Variants in JARID2 observed in about 807,000 individuals in gnomAD.
JARID2 encodes the protein protein Jumonji.
Under a neutral mutation model 125.6 loss-of-function variants are expected in JARID2, and 21 were observed. The ratio of observed to expected loss-of-function variants is 0.17; its 90% CI spans 0.12 to 0.24. The LOEUF (loss-of-function observed/expected upper bound fraction) is 0.24. Ranked by LOEUF, JARID2 falls within the 10% of genes least tolerant of loss-of-function variation. The probability of loss-of-function intolerance (pLI) is 1.00; values close to 1 mark genes in which losing one functional copy is unlikely to be tolerated. For synonymous variants in JARID2, 736 were observed against 661.6 expected, an observed-to-expected ratio of 1.11 and a Z score of -1.73; for missense variants, 1,303 against 1,639.6, an observed-to-expected ratio of 0.79 and a Z score of 3.55.
At chr6:15,304,303 TCCCCCCCCCCCCCCC>T (rs1761737705) in intron 1 of JARID2, among the ~76,000 whole-genome samples, 1 of 26,716 alleles carries the variant, frequency 3.7e-5, no homozygotes, top group Non-Finnish European at 7.3e-5. Flanking sequence ...AATTTGCTGA[TCCCCCCCCCCCCCCC>T]GCCCACCCAC....
chr6:15,332,399 A>C (rs1361894692), intron 1 of JARID2, among the ~76,000 whole-genome samples: 1 of 152,200 alleles, frequency 6.6e-6, no homozygotes, highest in East Asian at 1.9e-4. Flanking sequence ...GTTAACACCA[A>C]ATCTTAATTT....
chr6:15,514,249 C>T (rs539602379), intron 16 of JARID2, among the ~76,000 whole-genome samples: 32 of 152,350 alleles, frequency 2.1e-4, no homozygotes, highest in South Asian at 6.2e-4. Flanking sequence ...TGGGTAGGGA[C>T]GCCCAGCTGG....
chr6:15,406,398 C>T (rs944057405), intron 2 of JARID2, among the ~76,000 whole-genome samples: 9 of 152,212 alleles, frequency 5.9e-5, no homozygotes, highest in South Asian at 2.1e-4. Context: ...TGTGCCACTG[C>T]GCTCCAGCCT....
intron 1 of JARID2, among the ~76,000 whole-genome samples, chr6:15,351,210 G>A (rs979733159): frequency 2.0e-5 from 3 of 152,154 alleles, no homozygotes; most frequent in African/African-American, 7.2e-5. Context: ...GGTGAGCCAA[G>A]CATTTCTGAG....
At chr6:15,252,044 C>A (rs1248898654) in intron 1 of JARID2, among the ~76,000 whole-genome samples, 11 of 150,262 alleles carry the variant, frequency 7.3e-5, no homozygotes, top group African/African-American at 2.0e-4. Context: ...AGACTCCATT[C>A]AAAAAAAAAT....
chr6:15,368,742 A>G (rs748219779), intron 1 of JARID2: 1 of 488,862 alleles, frequency 2.0e-6, no homozygotes, highest in South Asian at 1.5e-5. Flanking sequence ...GTATATTTAT[A>G]TAGACATCTG....
At chr6:15,504,857 G>T (rs569196965) in intron 9 of JARID2, among the ~76,000 whole-genome samples, 1 of 152,174 alleles carries the variant, frequency 6.6e-6, no homozygotes, top group Admixed American at 6.5e-5. Flanking sequence ...CACGTCCCCT[G>T]CTCCCCGTCA....
chr6:15,366,901 CTA>C (rs1434181439), intron 1 of JARID2, among the ~76,000 whole-genome samples: 2 of 151,882 alleles, frequency 1.3e-5, no homozygotes, highest in Non-Finnish European at 2.9e-5. Context: ...CCTGCTATGT[CTA>C]TGTTATATTT....
chr6:15,316,127 G>T (rs933767676), intron 1 of JARID2, among the ~76,000 whole-genome samples: 7 of 151,776 alleles, frequency 4.6e-5, no homozygotes, highest in Non-Finnish European at 8.8e-5. Context: ...GATTCTATGG[G>T]TTTTTTTTGA....
chr6:15,520,363 T>A lies in JARID2; in HGVS notation c.*112T>A. 2.5e-6 allele frequency: 2 copies of A among 806,788 alleles called. No individual in the cohort carries two copies. Among genetic ancestry groups the A allele is most frequent in the Non-Finnish European group, 3.6e-6 (2 of 549,246 alleles). The allele number at this position is 806,788 out of a possible 1,614,324, so 50.0% of individuals were successfully genotyped here. On this transcript the variant is annotated 3_prime_UTR_variant, in exon 18 of 18. Coordinates refer to ENST00000341776, the MANE Select transcript of JARID2 (RefSeq NM_004973.4). Reference sequence around the variant, plus strand: ...GTCTTTGCACTAGCTCTAAAGAAGATTTTCTTCTGGTTTTAGAGAACTAAT... The same window carrying A: ...GTCTTTGCACTAGCTCTAAAGAAGAATTTCTTCTGGTTTTAGAGAACTAAT...
At chr6:15,290,406 G>A (rs1262374592) in intron 1 of JARID2, among the ~76,000 whole-genome samples, 1 of 152,150 alleles carries the variant, frequency 6.6e-6, no homozygotes, top group Non-Finnish European at 1.5e-5. Flanking sequence ...ACTTAGGTGT[G>A]TAATTGCTGG....
chr6:15,266,614 T>C (rs1351038591), intron 1 of JARID2, among the ~76,000 whole-genome samples: 1 of 152,232 alleles, frequency 6.6e-6, no homozygotes, highest in Non-Finnish European at 1.5e-5. Context: ...TAGGAATCTT[T>C]CATCAAAGTT....
intron 1 of JARID2, among the ~76,000 whole-genome samples, chr6:15,341,673 T>A (rs1305794332): frequency 2.0e-5 from 3 of 152,244 alleles, no homozygotes; most frequent in Admixed American, 2.0e-4. Flanking sequence ...GTTTGCCACC[T>A]ATTGTGGGTT....
chr6:15,325,014 T>C (rs1762491341), intron 1 of JARID2, among the ~76,000 whole-genome samples: 1 of 152,152 alleles, frequency 6.6e-6, no homozygotes. Flanking sequence ...TTTTAGAGTT[T>C]TTCTGTGTAT....
chr6:15,366,368 A>T (rs1763974064), intron 1 of JARID2, among the ~76,000 whole-genome samples: 1 of 151,660 alleles, frequency 6.6e-6, no homozygotes, highest in African/African-American at 2.4e-5. Context: ...GTTCAGATCC[A>T]CCATCCTTAA....
intron 1 of JARID2, among the ~76,000 whole-genome samples, chr6:15,266,828 T>G (rs1002154362): frequency 1.3e-5 from 2 of 152,154 alleles, no homozygotes; most frequent in African/African-American, 4.8e-5. Context: ...TCCTAGAAAA[T>G]GCACTGCTGT....
In JARID2 at chr6:15,513,416, G is replaced by C. The variant is rs752077475; in HGVS notation, c.3444G>C (p.Leu1148=). Residue 1148 remains leucine, a synonymous_variant, in exon 16 of 18, where the codon CTG becomes CTC. Transcript: ENST00000341776. ...AGATCTGCCAGCACCTGTGCTACCT[G>C]TCCATGGTGAGCCCGCCTGGCCCTG... ...RCQICQHLCY[L]SMVVQENENV... is the part of the protein sequence containing the mutation. 3.1e-6 allele frequency: 5 copies of C among 1,601,840 alleles called. No homozygotes were observed. Among genetic ancestry groups the C allele is most frequent in the Non-Finnish European group, 4.3e-6 (5 of 1,171,968 alleles).
intron 16 of JARID2, 46 bp from the exon 17 acceptor site, chr6:15,517,115 T>C: frequency 1.4e-6 from 2 of 1,442,624 alleles, no homozygotes; most frequent in Non-Finnish European, 2.0e-6. Flanking sequence ...CCCAGGGCGC[T>C]GTGGAGCTGC....
chr6:15,511,476 C>A (rs141882431), intron 13 of JARID2, 75 bp downstream of exon 13: 8 of 1,013,864 alleles, frequency 7.9e-6, no homozygotes, highest in African/African-American at 1.6e-5. Flanking sequence ...TTCCCATGAA[C>A]CCGCCTTTCA....
Sources: gnomAD v4.1 joint callset for allele counts (sites outside exome capture counted in the v4.1 genomes callset) on GRCh38, gnomAD v4.1.1 for gene constraint, MANE v1.5 for transcripts, NCBI Gene and HGNC (gene_info 2026-07-23, HGNC 2026-07-21) for gene names.